The following FAM169A variants were observed in gnomAD, a reference collection of about 807,000 sequenced individuals.
FAM169A encodes soluble lamin-associated protein of 75 kDa.
FAM169A carries 24 observed loss-of-function variants against 75.7 expected under a neutral mutation model. The ratio of observed to expected loss-of-function variants is 0.32; its 90% CI spans 0.23 to 0.45. The LOEUF (loss-of-function observed/expected upper bound fraction) is 0.45. Ranked by LOEUF, FAM169A falls within the 20% of genes least tolerant of loss-of-function variation. FAM169A has a pLI of 1.00. For missense variants in FAM169A, 673 were observed against 784.0 expected (o/e 0.86, Z 1.69); for synonymous variants, 271 against 271.0 (o/e 1.00, Z 0.00).
intron 1 of FAM169A, among the ~76,000 whole-genome samples, chr5:74,850,297 GT>G (rs1749376352): frequency 1.3e-5 from 2 of 152,206 alleles, no homozygotes; most frequent in Non-Finnish European, 2.9e-5. Context: ...ACATTGGTAT[GT>G]CTGAAAGCAC....
intron 1 of FAM169A, among the ~76,000 whole-genome samples, chr5:74,851,703 C>T (rs1242581127): frequency 1.3e-5 from 2 of 152,160 alleles, no homozygotes; most frequent in Non-Finnish European, 2.9e-5. Flanking sequence ...AACTCTGGTA[C>T]TTCACAACCC....
intron 6 of FAM169A, among the ~76,000 whole-genome samples, chr5:74,809,681 G>C (rs1372849035): frequency 6.6e-6 from 1 of 152,150 alleles, no homozygotes; most frequent in African/African-American, 2.4e-5. Context: ...CACTTTACTT[G>C]TTCTACCCTT....
Position 74,796,183 on chromosome 5 carries a change from CAAT to C in FAM169A, c.1104_1106del (p.Leu369del). The C allele has an allele frequency of 6.3e-7, 1 of 1,597,308 alleles. No homozygotes were observed. Reference sequence around the variant, plus strand: ...TCTCTGATGGGCGTGCAGTAGACTCCAATCTAAAAAACAAAAGAAAACCATTCT... The same window carrying C: ...TCTCTGATGGGCGTGCAGTAGACTCCCTAAAAAACAAAAGAAAACCATTCT... On this transcript the variant is annotated inframe_deletion and splice_region_variant, in exon 11 of 13. Coordinates refer to ENST00000687041, the MANE Select transcript of FAM169A (RefSeq NM_001376049.1).
chr5:74,804,527 G>C lies in FAM169A; in HGVS notation c.878C>G (p.Thr293Ser). ...CATCTCACTAGACTGATTGTCTTCA[G>C]TTCTTGCTTCGTATTCTGGAACAGA... ...PASVPEYEARTEDNQSSEMQL... is the reference protein window; with the variant it reads ...PASVPEYEARSEDNQSSEMQL... Residue 293 changes from threonine (T) to serine (S), a missense_variant, in exon 8 of 13, where the codon ACT becomes AGT. Around this residue, in one of 3 missense-constraint regions of FAM169A, gnomAD observed 510 missense variants for 550.9 expected, o/e 0.93. Transcript: ENST00000687041. The C allele has an allele frequency of 6.2e-7, 1 of 1,610,348 alleles. No homozygotes were observed. The highest frequency in any genetic ancestry group is 8.5e-7 in the Non-Finnish European group (1 of 1,177,118).
chr5:74,853,631 A>G (rs1749555710), intron 1 of FAM169A, among the ~76,000 whole-genome samples: 1 of 152,088 alleles, frequency 6.6e-6, no homozygotes, highest in Non-Finnish European at 1.5e-5. Flanking sequence ...TTAGGAGTTA[A>G]GTGTTTTCAA....
chr5:74,840,129 AC>A lies in FAM169A; in HGVS notation c.176del (p.Gly59ValfsTer18). The A allele has an allele frequency of 6.2e-7, 1 of 1,601,954 alleles. No individual in the cohort carries two copies. The highest frequency in any genetic ancestry group is 8.5e-7 in the Non-Finnish European group (1 of 1,174,060). ...LSNVGFVPLY[G>X]GDQTQKILAL... is the part of the protein sequence containing the mutation. ...CAAGAATTTTCTGGGTCTGATCTCC[AC>A]CATAAAGAGGTACAAAGCCTACATT... On this transcript the variant is annotated frameshift_variant, in exon 3 of 13. Transcript: ENST00000687041. LOFTEE classifies it high-confidence loss of function.
chr5:74,832,816 C>CTAGTA (rs1748383002), intron 5 of FAM169A, among the ~76,000 whole-genome samples: 1 of 151,828 alleles, frequency 6.6e-6, no homozygotes, highest in African/African-American at 2.4e-5. Context: ...GATTCAAAGG[C>CTAGTA]TAGTATAAGC....
intron 1 of FAM169A, among the ~76,000 whole-genome samples, chr5:74,859,615 A>G (rs1438486239): frequency 6.6e-6 from 1 of 152,180 alleles, no homozygotes; most frequent in Non-Finnish European, 1.5e-5. Flanking sequence ...TAACATTTCT[A>G]TCAACTCAAC....
intron 6 of FAM169A, among the ~76,000 whole-genome samples, chr5:74,807,104 G>C (rs968607504): frequency 6.6e-6 from 1 of 152,142 alleles, no homozygotes; most frequent in African/African-American, 2.4e-5. Context: ...TTATACAGAT[G>C]CTCCCTGACT....
chr5:74,866,049 G>A (rs1193418506), intron 1 of FAM169A, 116 bp downstream of exon 1: 6 of 416,720 alleles, frequency 1.4e-5, no homozygotes, highest in African/African-American at 2.2e-5. Flanking sequence ...CCCACAGCCG[G>A]TGGCCCGCGT....
At position 74,838,953 on chromosome 5, in the gene FAM169A, G is replaced by T. The variant is rs1447889681; in HGVS notation, c.318+12C>A. ...CTCAAAAGAAACACTCAAAATTAGA[G>T]GATCTTGTTACCTGCTTAAGCCCCT... On this transcript the variant is annotated intron_variant, in intron 4 of 12. Transcript: ENST00000687041. The T allele has an allele frequency of 1.3e-6, 2 of 1,592,126 alleles. 1 individual carries two copies. The highest frequency in any genetic ancestry group is 2.2e-5 in the South Asian group (2 of 90,634).
chr5:74,794,077 T>C (rs1746126399), intron 11 of FAM169A, among the ~76,000 whole-genome samples: 1 of 149,474 alleles, frequency 6.7e-6, no homozygotes, highest in Admixed American at 6.7e-5. Flanking sequence ...GTATGGTGGG[T>C]CATGCCTGTA....
At chr5:74,820,345 G>C (rs1747711245) in intron 5 of FAM169A, among the ~76,000 whole-genome samples, 1 of 151,928 alleles carries the variant, frequency 6.6e-6, no homozygotes, top group Admixed American at 6.6e-5. Context: ...GAATATCTCA[G>C]GTAGTTGTTA....
intron 1 of FAM169A, among the ~76,000 whole-genome samples, chr5:74,857,837 C>A (rs1749805115): frequency 6.6e-6 from 1 of 151,932 alleles, no homozygotes; most frequent in Non-Finnish European, 1.5e-5. Flanking sequence ...TTCTCTCTGC[C>A]CATTGTAAGT....
In FAM169A at chr5:74,781,329, A is replaced by G. The variant is rs917810987; in HGVS notation, c.*131T>C. ...GTTCTAAAGGGAAGCAAAAAACTGC[A>G]TAGTAAGTAAGTTCAAATTGAAATT... On this transcript the variant is annotated 3_prime_UTR_variant, in exon 13 of 13. Transcript: ENST00000687041. The G allele has an allele frequency of 3.9e-6, 3 of 762,704 alleles. No homozygotes were observed. Among genetic ancestry groups the G allele is most frequent in the Non-Finnish European group, 6.3e-6 (3 of 474,290 alleles). The allele number at this position is 762,704 out of a possible 1,614,324, so 47.2% of individuals were successfully genotyped here.
chr5:74,827,655 T>C (rs903658980), intron 5 of FAM169A, among the ~76,000 whole-genome samples: 5 of 151,384 alleles, frequency 3.3e-5, no homozygotes, highest in Non-Finnish European at 5.9e-5. Flanking sequence ...GTTAATGAAA[T>C]AGATGGAGCT....
At chr5:74,827,295 C>T (rs1281954101) in intron 5 of FAM169A, among the ~76,000 whole-genome samples, 1 of 152,102 alleles carries the variant, frequency 6.6e-6, no homozygotes, top group Non-Finnish European at 1.5e-5. Context: ...AAACTATAAT[C>T]AATCTGGTAA....
chr5:74,797,455 G>A (rs1163376936), intron 10 of FAM169A, among the ~76,000 whole-genome samples: 1 of 152,152 alleles, frequency 6.6e-6, no homozygotes, highest in Non-Finnish European at 1.5e-5. Context: ...GGGATTACAG[G>A]CATGAGCCAC....
At chr5:74,810,105 T>C (rs1354535702) in intron 6 of FAM169A, among the ~76,000 whole-genome samples, 1 of 152,106 alleles carries the variant, frequency 6.6e-6, no homozygotes, top group African/African-American at 2.4e-5. Context: ...AATTGTGGTA[T>C]AATCAAAGGG....
Sources: gnomAD v4.1 joint callset for allele counts (sites outside exome capture counted in the v4.1 genomes callset) on GRCh38, gnomAD v4.1.1 for gene constraint, gnomAD v4.1.1 regional missense constraint, MANE v1.5 for transcripts, NCBI Gene and HGNC (gene_info 2026-07-23, HGNC 2026-07-21) for gene names.